Variants in FAT3 observed in about 807,000 individuals in gnomAD.
The protein encoded by FAT3 is FAT atypical cadherin 3.
A neutral mutation model predicts 310.2 loss-of-function variants in FAT3; 95 were observed. The observed-to-expected ratio is 0.31, with a 90% confidence interval of 0.26 to 0.36. The LOEUF (loss-of-function observed/expected upper bound fraction) is 0.36. Ranked by LOEUF, FAT3 falls within the 10% of genes least tolerant of loss-of-function variation. The pLI, the probability that FAT3 is intolerant of heterozygous loss-of-function variation, is 1.00. For missense variants in FAT3, 5,408 were observed against 5,715.6 expected, an observed-to-expected ratio of 0.95 and a Z score of 1.74; for synonymous variants, 2,314 against 2,192.9, an observed-to-expected ratio of 1.06 and a Z score of -1.54.
Position 92,774,076 on chromosome 11 carries a change from GGTGTT to G in FAT3, c.4233_4237del (p.Val1412AspfsTer17), listed in dbSNP as rs1277686103. 6.2e-7 allele frequency: 1 copy of G among 1,613,528 alleles called. No individual in the cohort carries two copies. Among genetic ancestry groups the G allele is most frequent in the Non-Finnish European group, 8.5e-7 (1 of 1,179,686 alleles). On this transcript the variant is annotated frameshift_variant, in exon 7 of 28. Transcript: ENST00000525166. LOFTEE classifies it high-confidence loss of function. ...TGACAGCGCTTTTGATGCAGAGAAGGGTGTTGGGACAATTGTCATCGCAAAACCTT... is the reference window on the plus strand; with the variant it reads ...TGACAGCGCTTTTGATGCAGAGAAGGGGGACAATTGTCATCGCAAAACCTT...
chr11:92,310,968 T>G (rs1947283663), intron 1 of FAT3, among the ~76,000 whole-genome samples: 1 of 151,616 alleles, frequency 6.6e-6, no homozygotes, highest in Non-Finnish European at 1.5e-5. Flanking sequence ...TTTAAAAAAC[T>G]TTTTTTGAGA....
chr11:92,407,787 A>G (rs556508687), intron 2 of FAT3, among the ~76,000 whole-genome samples: 13 of 152,250 alleles, frequency 8.5e-5, no homozygotes, highest in Non-Finnish European at 1.6e-4. Flanking sequence ...AGGGTCCTTT[A>G]TAATAAGAGG....
At chr11:92,337,628 C>T (rs566307070) in intron 1 of FAT3, among the ~76,000 whole-genome samples, 2 of 152,294 alleles carry the variant, frequency 1.3e-5, no homozygotes, top group South Asian at 2.1e-4. Context: ...GACAGGGTTT[C>T]GCCATGTTGG....
rs376264821 is a variant in FAT3 at position 92,415,443 on chromosome 11, G to A, written c.3292+60039G>A. Among the ~76,000 whole-genome samples the A allele has an allele frequency of 3.9e-5, 6 of 152,078 alleles. No homozygotes were observed. In the East Asian group the frequency reaches 9.7e-4, roughly 24 times the overall value. ...CTTGGAGTGGGAACAGATGCTTCAG[G>A]CCATTAGCTAATCTGTCCTCCTGCA... On this transcript the variant is annotated intron_variant, in intron 2 of 27. Coordinates refer to ENST00000525166, the MANE Select transcript of FAT3 (RefSeq NM_001367949.2).
At chr11:92,748,643 CAT>C (rs894342446) in intron 4 of FAT3, 5 of 152,168 alleles carry the variant, frequency 3.3e-5, no homozygotes, top group Admixed American at 2.6e-4. Context: ...ATAGCAGAGA[CAT>C]GTGTTGAAGC....
rs190604131 is a variant in FAT3, at chr11:92,667,272, G to A, written c.3608-30112G>A. On this transcript the variant is annotated intron_variant, in intron 3 of 27. Coordinates refer to ENST00000525166, the MANE Select transcript of FAT3 (RefSeq NM_001367949.2). ...AAGCTAGTGAGACGTGGCAGCATCC[G>A]TTTTGTTCAAAAGATGTGTCGTGTG... 2.4e-4 allele frequency among the ~76,000 whole-genome samples: 37 copies of A among 152,262 alleles called. No individual in the cohort carries two copies. In the East Asian group the frequency reaches 6.0e-3, roughly 25 times the overall value.
intron 2 of FAT3, among the ~76,000 whole-genome samples, chr11:92,371,672 G>A (rs1289315016): frequency 1.3e-5 from 2 of 152,166 alleles, no homozygotes; most frequent in African/African-American, 4.8e-5. Context: ...AGCAGAGATC[G>A]TGCCACTGTG....
chr11:92,606,451 C>A (rs998991956), intron 3 of FAT3, among the ~76,000 whole-genome samples: 43 of 152,278 alleles, frequency 2.8e-4, no homozygotes, highest in African/African-American at 9.6e-4. Context: ...GCTTTGCCTG[C>A]AGCTCAGGCA....
chr11:92,532,782 G>T (rs765164492), intron 3 of FAT3, among the ~76,000 whole-genome samples: 3 of 152,080 alleles, frequency 2.0e-5, no homozygotes, highest in Non-Finnish European at 4.4e-5. Flanking sequence ...TCCTGTTCCT[G>T]CTTAATGCCA....
At chr11:92,660,162 A>C (rs1005550352) in intron 3 of FAT3, among the ~76,000 whole-genome samples, 3 of 151,628 alleles carry the variant, frequency 2.0e-5, no homozygotes, top group African/African-American at 7.3e-5. Flanking sequence ...AACTCATTGA[A>C]TTTCTAGCAA....
At chr11:92,548,319 T>TG (rs1380298980) in intron 3 of FAT3, among the ~76,000 whole-genome samples, 2 of 152,284 alleles carry the variant, frequency 1.3e-5, no homozygotes, top group African/African-American at 4.8e-5. Context: ...CTTTGAACAG[T>TG]GGGTCATCCT....
At chr11:92,717,499 G>T (rs1944725955) in intron 4 of FAT3, among the ~76,000 whole-genome samples, 2 of 152,274 alleles carry the variant, frequency 1.3e-5, no homozygotes, top group South Asian at 4.2e-4. Context: ...TAAACTGTCA[G>T]AATTATCCAG....
chr11:92,514,784 G>T lies in FAT3; in HGVS notation c.3293-9850G>T, dbSNP rs575694830. ...ATCGTTATCTTTTGATACTGAAAGA[G>T]CTGTCACAGAAGAAAGATTGTTTGC... On this transcript the variant is annotated intron_variant, in intron 2 of 27. Coordinates refer to ENST00000525166, the MANE Select transcript of FAT3 (RefSeq NM_001367949.2). 3.9e-5 allele frequency among the ~76,000 whole-genome samples: 6 copies of T among 152,276 alleles called. No individual in the cohort carries two copies. The East Asian group carries it at 9.6e-4, about 24-fold the overall frequency.
chr11:92,463,584 G>A (rs1198742954), intron 2 of FAT3, among the ~76,000 whole-genome samples: 2 of 152,092 alleles, frequency 1.3e-5, no homozygotes, highest in East Asian at 3.8e-4. Context: ...TCCAATCAAT[G>A]GTACCTATTT....
At chr11:92,473,507 T>C (rs2135159584) in intron 2 of FAT3, among the ~76,000 whole-genome samples, 1 of 152,362 alleles carries the variant, frequency 6.6e-6, no homozygotes, top group Admixed American at 6.5e-5. Context: ...CATCACCTCA[T>C]TTAACTTCAC....
intron 4 of FAT3, among the ~76,000 whole-genome samples, chr11:92,722,149 C>T (rs961916659): frequency 5.3e-5 from 8 of 152,118 alleles, no homozygotes; most frequent in African/African-American, 1.7e-4. Flanking sequence ...AAAGCAAGTC[C>T]CTTCCACCTA....
chr11:92,651,633 G>T (rs1365039582), intron 3 of FAT3, among the ~76,000 whole-genome samples: 1 of 152,128 alleles, frequency 6.6e-6, no homozygotes, highest in African/African-American at 2.4e-5. Context: ...AGTCAAGGGT[G>T]CACAATAAAT....
Position 92,844,223 on chromosome 11 carries a change from A to G in FAT3, c.10856A>G (p.Asn3619Ser). The G allele has an allele frequency of 6.2e-7, 1 of 1,613,996 alleles. No individual in the cohort carries two copies. Among genetic ancestry groups the G allele is most frequent in the Non-Finnish European group, 8.5e-7 (1 of 1,179,904 alleles). ...CTGGACAGCGGCAAGTATGTCCTGA[A>G]TGTGTCTGTGAGTGATGGTCGCTTC... ...GGLDSGKYVL[N>S]VSVSDGRFQV... is the part of the protein sequence containing the mutation. The change falls in exon 19 of 28, where the codon AAT becomes AGT. Residue 3619 changes from asparagine to serine, a missense_variant. Coordinates refer to ENST00000525166, the MANE Select transcript of FAT3 (RefSeq NM_001367949.2).
At position 92,800,441 on chromosome 11, in the gene FAT3, C is replaced by A; in HGVS notation, c.7428C>A (p.Phe2476Leu). The part of the protein sequence containing the change: ...SLNVSVSDGL[F>L]TSTAQVHIRV... ...ATGTGTCTGTCTCTGATGGGTTGTTCACCAGCACTGCACAGGTGCATATTA... is the reference window on the plus strand; with the variant it reads ...ATGTGTCTGTCTCTGATGGGTTGTTAACCAGCACTGCACAGGTGCATATTA... The change falls in exon 10 of 28, where the codon TTC becomes TTA. Residue 2476 changes from phenylalanine (F) to leucine (L), a missense_variant. Coordinates refer to ENST00000525166, the MANE Select transcript of FAT3 (RefSeq NM_001367949.2). 1 of 1,613,994 alleles carries A rather than the reference C, an allele frequency of 6.2e-7. No individual in the cohort carries two copies. Among genetic ancestry groups the A allele is most frequent in the South Asian group, 1.1e-5 (1 of 91,078 alleles).
Sources: allele counts gnomAD v4.1 joint callset (sites outside exome capture counted in the v4.1 genomes callset), GRCh38; gene constraint gnomAD v4.1.1; transcripts MANE v1.5; gene names NCBI Gene and HGNC (gene_info 2026-07-23, HGNC 2026-07-21).